The following GBE1 variants were observed in gnomAD, a reference collection of about 807,000 sequenced individuals.
GBE1 encodes the protein 1,4-alpha-glucan-branching enzyme.
A neutral mutation model predicts 88.8 loss-of-function variants in GBE1; 70 were observed. The ratio of observed to expected loss-of-function variants is 0.79; its 90% CI spans 0.65 to 0.96. The LOEUF is 0.96. Ranked by LOEUF, GBE1 falls within the 40% of genes least tolerant of loss-of-function variation. The pLI, the probability that GBE1 is intolerant of heterozygous loss-of-function variation, is 0.00. For synonymous variants in GBE1, 284 were observed against 300.1 expected, an observed-to-expected ratio of 0.95 and a Z score of 0.56; for missense variants, 872 against 871.0, an observed-to-expected ratio of 1.00 and a Z score of -0.01.
At chr3:81,583,073 C>T (rs1240087155) in intron 10 of GBE1, among the ~76,000 whole-genome samples, 1 of 152,040 alleles carries the variant, frequency 6.6e-6, no homozygotes, top group East Asian at 1.9e-4. Context: ...AAGATATGAA[C>T]AGATACCTCA....
At chr3:81,636,534 CT>C (rs398062518) in intron 7 of GBE1, among the ~76,000 whole-genome samples, 260 of 139,904 alleles carry the variant, frequency 1.9e-3, no homozygotes, top group Middle Eastern at 3.7e-3. Context: ...TGTTTTTTGG[CT>C]TTTTTTTTTT....
At chr3:81,501,168 C>T (rs185543945) in intron 14 of GBE1, among the ~76,000 whole-genome samples, 10 of 152,216 alleles carry the variant, frequency 6.6e-5, no homozygotes, top group Admixed American at 2.0e-4. Flanking sequence ...TTTTACACAA[C>T]GAATGATCAA....
intron 1 of GBE1, among the ~76,000 whole-genome samples, chr3:81,732,364 A>AT (rs1412038164): frequency 6.6e-6 from 1 of 152,184 alleles, no homozygotes; most frequent in Non-Finnish European, 1.5e-5. Context: ...AAAATTCCAA[A>AT]TAAGTGTGGT....
At chr3:81,557,054 C>A (rs62265423) in intron 12 of GBE1, among the ~76,000 whole-genome samples, 4 of 151,830 alleles carry the variant, frequency 2.6e-5, no homozygotes, top group African/African-American at 7.3e-5. Context: ...CTTTCTTAAA[C>A]GATGAAGTTG....
At position 81,667,504 on chromosome 3, in the gene GBE1, G is replaced by A. The variant is rs1208083465; in HGVS notation, c.429+3334C>T. 2.0e-5 allele frequency among the ~76,000 whole-genome samples: 3 copies of A among 152,126 alleles called. No homozygotes were observed. In the East Asian group the frequency reaches 5.8e-4, roughly 29 times the overall value. ...TATGTTGAATAGGAGTGGTAAGAGA[G>A]GGAATCCTTGTCTTGTATCAGTTTT... On this transcript the variant is annotated intron_variant, in intron 3 of 15. Coordinates refer to ENST00000429644, the MANE Select transcript of GBE1 (RefSeq NM_000158.4).
chr3:81,694,354 C>T (rs931104101), intron 2 of GBE1, among the ~76,000 whole-genome samples: 1 of 152,094 alleles, frequency 6.6e-6, no homozygotes, highest in African/African-American at 2.4e-5. Context: ...ACAAATGTAG[C>T]CATTTAAAGA....
intron 7 of GBE1, among the ~76,000 whole-genome samples, chr3:81,621,657 C>A (rs756280195): frequency 6.6e-6 from 1 of 152,170 alleles, no homozygotes; most frequent in Non-Finnish European, 1.5e-5. Flanking sequence ...AGAATTCTCA[C>A]GGTCTATTAC....
At chr3:81,595,785 T>C (rs373597269) in intron 7 of GBE1, among the ~76,000 whole-genome samples, 1 of 152,052 alleles carries the variant, frequency 6.6e-6, no homozygotes, top group East Asian at 1.9e-4. Context: ...AAACAGGAAA[T>C]AAACTGTGTT....
chr3:81,738,211 A>G (rs1353353475), intron 1 of GBE1, among the ~76,000 whole-genome samples: 1 of 151,656 alleles, frequency 6.6e-6, no homozygotes, highest in African/African-American at 2.4e-5. Flanking sequence ...CGCAATAAAC[A>G]TACGTGTGCA....
intron 1 of GBE1, among the ~76,000 whole-genome samples, chr3:81,730,260 A>T (rs553484690): frequency 6.6e-6 from 1 of 152,286 alleles, no homozygotes; most frequent in African/African-American, 2.4e-5. Flanking sequence ...GATATTGGGT[A>T]GGAAACAGCT....
rs559695127 is a variant in GBE1 at position 81,606,901 on chromosome 3, T to G, written c.993-12878A>C. Among the ~76,000 whole-genome samples, 34 of 152,328 alleles carry G rather than the reference T, an allele frequency of 2.2e-4. 1 individual carries two copies. In the South Asian group the frequency reaches 7.0e-3, roughly 32 times the overall value. The stretch of plus-strand genomic sequence containing the variant: ...TGATTATCAATCTTCCTCAATATAA[T>G]AAATCTATGCTGTAGATGTACAGAT... On this transcript the variant is annotated intron_variant, in intron 7 of 15. Coordinates refer to ENST00000429644, the MANE Select transcript of GBE1 (RefSeq NM_000158.4).
At chr3:81,506,600 T>C (rs1271426310) in intron 14 of GBE1, among the ~76,000 whole-genome samples, 2 of 152,172 alleles carry the variant, frequency 1.3e-5, no homozygotes, top group African/African-American at 4.8e-5. Context: ...TTCAGTCTAT[T>C]ATAAAGACAC....
chr3:81,502,748 A>T (rs1338189550), intron 14 of GBE1, among the ~76,000 whole-genome samples: 1 of 152,182 alleles, frequency 6.6e-6, no homozygotes, highest in Admixed American at 6.6e-5. Flanking sequence ...TCATGTGCAC[A>T]CACATACACA....
chr3:81,582,113 A>G (rs1325531066), intron 10 of GBE1, among the ~76,000 whole-genome samples: 2 of 152,032 alleles, frequency 1.3e-5, no homozygotes, highest in African/African-American at 2.4e-5. Context: ...TATGTCCTAA[A>G]TTTACTCTCC....
chr3:81,718,226 C>T (rs546372142), intron 1 of GBE1, among the ~76,000 whole-genome samples: 2 of 152,116 alleles, frequency 1.3e-5, no homozygotes, highest in African/African-American at 2.4e-5. Flanking sequence ...GTGATCCACC[C>T]GCCTCAGCTT....
At chr3:81,596,297 T>C (rs908931990) in intron 7 of GBE1, among the ~76,000 whole-genome samples, 3 of 152,050 alleles carry the variant, frequency 2.0e-5, no homozygotes. Context: ...TTCTTTTTTT[T>C]TTATTATACT....
At chr3:81,516,675 A>G (rs1003563830) in intron 14 of GBE1, among the ~76,000 whole-genome samples, 1 of 151,546 alleles carries the variant, frequency 6.6e-6, no homozygotes, top group Non-Finnish European at 1.5e-5. Flanking sequence ...AGGATTCACC[A>G]TTCTAGATGC....
Position 81,586,133 on chromosome 3 carries a change from CA to C in GBE1, c.1293del (p.Phe431LeufsTer5). The C allele has an allele frequency of 6.2e-7, 1 of 1,610,396 alleles. No homozygotes were observed. Among genetic ancestry groups the C allele is most frequent in the Non-Finnish European group, 8.5e-7 (1 of 1,178,684 alleles). On this transcript the variant is annotated frameshift_variant, in exon 10 of 16. Transcript: ENST00000429644. LOFTEE classifies it high-confidence loss of function. Reference sequence around the variant, plus strand: ...GGAATTGCCATGGCTAGTCGATAGTCAAAACCACCCCCTCCCTGGGAAATTG... The same window carrying C: ...GGAATTGCCATGGCTAGTCGATAGTCAAACCACCCCCTCCCTGGGAAATTG... Reference protein sequence around the residue: ...CSPISQGGGGFDYRLAMAIPD... With the variant: ...CSPISQGGGGXDYRLAMAIPD...
At chr3:81,597,679 T>C (rs1285015902) in intron 7 of GBE1, among the ~76,000 whole-genome samples, 1 of 146,368 alleles carries the variant, frequency 6.8e-6, no homozygotes, top group African/African-American at 2.6e-5. Flanking sequence ...AAATCTGTAA[T>C]ATCCAGAAAA....
Sources: allele counts gnomAD v4.1 joint callset (sites outside exome capture counted in the v4.1 genomes callset), GRCh38; gene constraint gnomAD v4.1.1; transcripts MANE v1.5; gene names NCBI Gene and HGNC (gene_info 2026-07-23, HGNC 2026-07-21).